The following TMEM150C variants were observed in gnomAD, a reference collection of about 807,000 sequenced individuals.
TMEM150C encodes transmembrane protein 150C.
TMEM150C carries 10 observed loss-of-function variants against 29.9 expected under a neutral mutation model. The ratio of observed to expected loss-of-function variants is 0.33; its 90% CI spans 0.21 to 0.57. The LOEUF (loss-of-function observed/expected upper bound fraction) is 0.57. TMEM150C is among the 20% of genes least tolerant of loss of function. The probability of loss-of-function intolerance (pLI) is 0.88; values close to 1 mark genes in which losing one functional copy is unlikely to be tolerated. For synonymous variants in TMEM150C, 101 were observed against 112.5 expected (o/e 0.90, Z 0.64); for missense variants, 251 against 303.6 (o/e 0.83, Z 1.29).
At chr4:82,514,989 T>C (rs1724246860) in intron 1 of TMEM150C, among the ~76,000 whole-genome samples, 1 of 152,228 alleles carries the variant, frequency 6.6e-6, no homozygotes, top group African/African-American at 2.4e-5. Flanking sequence ...AGATACTCTG[T>C]TAATTGAAGC....
At chr4:82,491,206 C>A in intron 6 of TMEM150C, 1 of 691,658 alleles carries the variant, frequency 1.4e-6, no homozygotes, top group Non-Finnish European at 2.7e-6. Context: ...ACAGTGTTAA[C>A]TCCTACTCGA....
chr4:82,515,488 C>G (rs1724262512), intron 1 of TMEM150C, among the ~76,000 whole-genome samples: 1 of 152,068 alleles, frequency 6.6e-6, no homozygotes, highest in African/African-American at 2.4e-5. Context: ...CTTGTAATCC[C>G]AGCACTTTGG....
intron 1 of TMEM150C, among the ~76,000 whole-genome samples, chr4:82,532,982 C>A (rs1724896550): frequency 6.6e-6 from 1 of 152,174 alleles, no homozygotes; most frequent in South Asian, 2.1e-4. Context: ...CCTGCCTTGG[C>A]CTCCCAAAGT....
intron 3 of TMEM150C, 58 bp downstream of exon 3, chr4:82,503,001 G>A: frequency 6.2e-7 from 1 of 1,603,908 alleles, no homozygotes; most frequent in Admixed American, 1.7e-5. Flanking sequence ...CCTTCCCAGT[G>A]GGAAAGTTTT....
Position 82,485,338 on chromosome 4 carries a change from C to T in TMEM150C, c.*173G>A. 1.6e-6 allele frequency: 1 copy of T among 609,204 alleles called. No homozygotes were observed. Among genetic ancestry groups the T allele is most frequent in the East Asian group, 2.8e-5 (1 of 35,948 alleles). The allele number at this position is 609,204 out of a possible 1,614,324, so 37.7% of individuals were successfully genotyped here. On this transcript the variant is annotated 3_prime_UTR_variant, in exon 8 of 8. Transcript: ENST00000449862. The stretch of plus-strand genomic sequence containing the variant: ...GTATTTCGACACATAAGGGCTTGTG[C>T]TTTTTCATTAAAGAAATAACTCGCC...
intron 1 of TMEM150C, among the ~76,000 whole-genome samples, chr4:82,544,101 C>T (rs1401241823): frequency 6.6e-6 from 1 of 152,188 alleles, no homozygotes; most frequent in Non-Finnish European, 1.5e-5. Flanking sequence ...CTGGCAACAT[C>T]AAGTGCAGTA....
chr4:82,561,845 C>G (rs867961955), intron 1 of TMEM150C, 61 bp downstream of exon 1: 1 of 974,880 alleles, frequency 1.0e-6, no homozygotes, highest in African/African-American at 1.8e-5. Flanking sequence ...CGCACGGGGC[C>G]GGGCCGGACG....
intron 6 of TMEM150C, 36 bp downstream of exon 6, chr4:82,496,032 G>C (rs192690191): frequency 1.3e-5 from 21 of 1,613,376 alleles, no homozygotes; most frequent in African/African-American, 2.7e-5. Flanking sequence ...GGTCTTACCA[G>C]TGTCAGAGGG....
intron 1 of TMEM150C, among the ~76,000 whole-genome samples, chr4:82,515,820 A>G (rs916952172): frequency 6.6e-6 from 1 of 152,058 alleles, no homozygotes; most frequent in Non-Finnish European, 1.5e-5. Context: ...AGGCAAAAAC[A>G]AACAAACCAA....
chr4:82,514,032 A>G (rs1265110407), intron 1 of TMEM150C, among the ~76,000 whole-genome samples: 1 of 152,244 alleles, frequency 6.6e-6, no homozygotes, highest in Admixed American at 6.5e-5. Context: ...GGGCTGCAAA[A>G]GCTGAACAGC....
At chr4:82,552,370 C>T (rs1210596327) in intron 1 of TMEM150C, among the ~76,000 whole-genome samples, 6 of 151,768 alleles carry the variant, frequency 4.0e-5, no homozygotes, top group African/African-American at 1.2e-4. Context: ...TGAAGCTCAC[C>T]TCTGTCACAC....
At chr4:82,548,780 T>G (rs1725467987) in intron 1 of TMEM150C, among the ~76,000 whole-genome samples, 1 of 152,150 alleles carries the variant, frequency 6.6e-6, no homozygotes, top group Non-Finnish European at 1.5e-5. Context: ...CTGGGCTGGG[T>G]CTTCAGGGAT....
chr4:82,542,255 T>C (rs1260278381), intron 1 of TMEM150C, among the ~76,000 whole-genome samples: 3 of 152,064 alleles, frequency 2.0e-5, no homozygotes, highest in Admixed American at 6.6e-5. Flanking sequence ...CAAATGTAAA[T>C]AAATAGAATG....
At chr4:82,529,059 G>A (rs562108221) in intron 1 of TMEM150C, among the ~76,000 whole-genome samples, 2 of 152,114 alleles carry the variant, frequency 1.3e-5, no homozygotes, top group East Asian at 1.9e-4. Context: ...CAGCACACAC[G>A]GAGAGTGTGT....
intron 2 of TMEM150C, among the ~76,000 whole-genome samples, chr4:82,503,859 CAAAAACAAAAAACA>C (rs553359193): frequency 1.3e-5 from 2 of 151,204 alleles, no homozygotes; most frequent in Admixed American, 1.3e-4. Context: ...AAAAAAAAAA[CAAAAACAAAAAACA>C]AAAAACAAAA....
intron 1 of TMEM150C, among the ~76,000 whole-genome samples, chr4:82,554,662 C>T (rs1725685285): frequency 6.6e-6 from 1 of 152,092 alleles, no homozygotes; most frequent in Admixed American, 6.5e-5. Flanking sequence ...TTTTTAGAGA[C>T]ATTTATGTTT....
chr4:82,525,013 C>A (rs142234186), intron 1 of TMEM150C, among the ~76,000 whole-genome samples: 10 of 152,256 alleles, frequency 6.6e-5, no homozygotes, highest in Non-Finnish European at 1.3e-4. Flanking sequence ...GAGCAGGAAC[C>A]TATTGCAATG....
chr4:82,485,355 T>C lies in TMEM150C; in HGVS notation c.*156A>G, dbSNP rs1240946841. On this transcript the variant is annotated 3_prime_UTR_variant, in exon 8 of 8. Coordinates refer to ENST00000449862, the MANE Select transcript of TMEM150C (RefSeq NM_001080506.3). Reference sequence around the variant, plus strand: ...GGCTTGTGCTTTTTCATTAAAGAAATAACTCGCCCTGAAAAGCTCATTTGG... The same window carrying C: ...GGCTTGTGCTTTTTCATTAAAGAAACAACTCGCCCTGAAAAGCTCATTTGG... 1 of 629,456 alleles carries C rather than the reference T, an allele frequency of 1.6e-6. No individual in the cohort carries two copies. The highest frequency in any genetic ancestry group is 1.8e-5 in the African/African-American group (1 of 54,244). The allele number at this position is 629,456 out of a possible 1,614,324, so 39.0% of individuals were successfully genotyped here. A position where few individuals can be genotyped will look rare whatever the true frequency, so the allele number is the denominator to read the frequency against.
chr4:82,523,526 G>A (rs1724555632), intron 1 of TMEM150C, among the ~76,000 whole-genome samples: 1 of 152,142 alleles, frequency 6.6e-6, no homozygotes, highest in Non-Finnish European at 1.5e-5. Context: ...TCGCCATTTT[G>A]GGTGGACCCA....
Sources: gnomAD v4.1 joint callset for allele counts (sites outside exome capture counted in the v4.1 genomes callset) on GRCh38, gnomAD v4.1.1 for gene constraint, MANE v1.5 for transcripts, NCBI Gene and HGNC (gene_info 2026-07-23, HGNC 2026-07-21) for gene names.